Variants in DNAH3 observed in about 807,000 individuals in gnomAD.
DNAH3 encodes axonemal beta dynein heavy chain 3.
DNAH3 carries 332 observed loss-of-function variants against 432.5 expected under a neutral mutation model. The ratio of observed to expected loss-of-function variants is 0.77; its 90% CI spans 0.70 to 0.84. The LOEUF is 0.84. DNAH3 is among the 40% of genes least tolerant of loss of function. DNAH3 has a pLI of 0.00. For missense variants in DNAH3, 4,861 were observed against 5,114.0 expected, an observed-to-expected ratio of 0.95 and a Z score of 1.51; for synonymous variants, 1,956 against 1,900.2, an observed-to-expected ratio of 1.03 and a Z score of -0.76.
At position 21,108,152 on chromosome 16, in the gene DNAH3, G is replaced by A. The variant is rs530931455; in HGVS notation, c.2100-1478C>T. Among the ~76,000 whole-genome samples the A allele has an allele frequency of 1.3e-4, 20 of 152,302 alleles. No homozygotes were observed. In the East Asian group the frequency reaches 3.3e-3, roughly 25 times the overall value. On this transcript the variant is annotated intron_variant, in intron 14 of 61. Coordinates refer to ENST00000261383, the Ensembl canonical transcript of DNAH3. ...CTCCCAAAGTGCTGGGATTACAGGC[G>A]TAAGCCACTGCGCCCAGCCCTGTTG...
At chr16:21,147,844 T>C (rs1420773166) in intron 1 of DNAH3, among the ~76,000 whole-genome samples, 1 of 152,186 alleles carries the variant, frequency 6.6e-6, no homozygotes, top group African/African-American at 2.4e-5. Flanking sequence ...TTAGCCCCTA[T>C]ATGCAAAACA....
chr16:20,966,014 ATTTTTTTTTTTTTTTTT>A lies in DNAH3; in HGVS notation c.8459-606_8459-590del, dbSNP rs555983378. 8.7e-4 allele frequency among the ~76,000 whole-genome samples: 42 copies of A among 48,388 alleles called. 2 individuals are homozygous for A. The highest frequency in any genetic ancestry group is 2.1e-3 in the African/African-American group (26 of 12,158). 31.7% of individuals were successfully genotyped at this position (48,388 alleles called of 152,430 possible). On this transcript the variant is annotated intron_variant, in intron 52 of 61. Transcript: ENST00000261383. ...AGGCCTGAGCCACCATGCCCAGCCA[ATTTTTTTTTTTTTTTTT>A]TTTTTTTTTTTTTTTTTTTTTTTGA...
In DNAH3 at chr16:21,090,204, A is replaced by G. The variant is rs1197450861; in HGVS notation, c.2666-3144T>C. ...TAGATAAAAAATTTCCAAAATATAA[A>G]AACTTCAGAATCAGATGGTTTCACT... is the stretch of plus-strand genomic sequence containing the variant. On this transcript the variant is annotated intron_variant, in intron 18 of 61. Transcript: ENST00000261383. 2.6e-5 allele frequency among the ~76,000 whole-genome samples: 4 copies of G among 152,184 alleles called. No homozygotes were observed. The East Asian group carries it at 7.7e-4, about 29-fold the overall frequency.
At position 20,980,257 on chromosome 16, in the gene DNAH3, ATAT is replaced by A. The variant is rs1206563804; in HGVS notation, c.7860-714_7860-712del. On this transcript the variant is annotated intron_variant, in intron 49 of 61. Transcript: ENST00000261383. ...ATATTATATATATAATATACATCAT[ATAT>A]TATATTATAATATACATCATATATT... 6.8e-3 allele frequency among the ~76,000 whole-genome samples: 590 copies of A among 86,896 alleles called. 26 individuals are homozygous for A. Among genetic ancestry groups the A allele is most frequent in the Middle Eastern group, 0.025 (4 of 162 alleles). 57.0% of individuals were successfully genotyped at this position (86,896 alleles called of 152,430 possible). A position where few individuals can be genotyped will look rare whatever the true frequency, so the allele number is the denominator to read the frequency against.
intron 52 of DNAH3, among the ~76,000 whole-genome samples, chr16:20,968,338 GGATTACAGGTGT>G: frequency 6.6e-6 from 1 of 152,200 alleles, no homozygotes; most frequent in Middle Eastern, 3.4e-3. Context: ...CAAAGTGCTG[GGATTACAGGTGT>G]GAGCCACTGC....
chr16:20,998,030 C>T (rs547222672), intron 43 of DNAH3, among the ~76,000 whole-genome samples: 18 of 151,792 alleles, frequency 1.2e-4, no homozygotes, highest in African/African-American at 2.7e-4. Context: ...ATAGAAAAGA[C>T]GAGAAAAACA....
exon 27 of DNAH3, chr16:21,058,170 C>A (rs1001440516): frequency 1.9e-6 from 3 of 1,613,540 alleles, no homozygotes; most frequent in Non-Finnish European, 2.5e-6. Context: ...GTCCAGGCCA[C>A]TGTAAGACCC....
At chr16:20,940,456 T>C (rs1471716641) in intron 59 of DNAH3, among the ~76,000 whole-genome samples, 1 of 152,152 alleles carries the variant, frequency 6.6e-6, no homozygotes, top group Admixed American at 6.5e-5. Context: ...GGATAGGGTC[T>C]TTCTCTGTCA....
chr16:21,086,962 C>A lies in DNAH3; in HGVS notation c.2764G>T (p.Ala922Ser). ...ACATTCTCTGCTAAGCGCCTGGGTG[C>A]AGGCACATCAGACAAGGTCTTGATC... Residue 922 changes from alanine (A) to serine (S), a missense_variant, in exon 19 of 62, where the codon GCA becomes TCA. Transcript: ENST00000261383. 1.9e-6 allele frequency: 3 copies of A among 1,614,188 alleles called. No individual in the cohort carries two copies. Among genetic ancestry groups the A allele is most frequent in the Middle Eastern group, 1.7e-4 (1 of 6,060 alleles).
Position 21,127,827 on chromosome 16 carries a change from G to C in DNAH3, c.1083-15C>G. On this transcript the variant is annotated splice_polypyrimidine_tract_variant and intron_variant, in intron 7 of 61. Transcript: ENST00000261383. ...GGTCTCTGAATCTGCCAAAAGAGAG[G>C]GAGAAATTTCCTAAGCTAAAGAACG... 1 of 1,613,670 alleles carries C rather than the reference G, an allele frequency of 6.2e-7. No individual in the cohort carries two copies. Among genetic ancestry groups the C allele is most frequent in the Non-Finnish European group, 8.5e-7 (1 of 1,179,756 alleles).
chr16:21,145,383 G>A, exon 3 of DNAH3: 2 of 1,614,162 alleles, frequency 1.2e-6, no homozygotes, highest in Non-Finnish European at 8.5e-7. Flanking sequence ...TCAAGGGCGG[G>A]TAAAAGCTGT....
At chr16:21,004,194 T>C (rs1337763781) in intron 41 of DNAH3, among the ~76,000 whole-genome samples, 2 of 152,104 alleles carry the variant, frequency 1.3e-5, no homozygotes, top group African/African-American at 4.8e-5. Context: ...ATTTTAACTT[T>C]CTATTGTGAG....
chr16:20,933,865 T>A (rs1195337487), intron 61 of DNAH3, among the ~76,000 whole-genome samples: 1 of 152,212 alleles, frequency 6.6e-6, no homozygotes, highest in East Asian at 1.9e-4. Flanking sequence ...ACAGACTGGA[T>A]AAACAGTTCT....
chr16:21,141,528 T>A (rs1258856818), intron 3 of DNAH3, among the ~76,000 whole-genome samples, 156 bp from the exon 5 acceptor site: 2 of 152,212 alleles, frequency 1.3e-5, no homozygotes, highest in Non-Finnish European at 2.9e-5. Context: ...TCAGGTCTCA[T>A]GTGCATCACT....
intron 3 of DNAH3, among the ~76,000 whole-genome samples, chr16:21,142,534 C>G (rs548315865): frequency 6.6e-6 from 1 of 151,828 alleles, no homozygotes; most frequent in Non-Finnish European, 1.5e-5. Context: ...AAGGTAGCTA[C>G]AATTAATTCA....
intron 41 of DNAH3, among the ~76,000 whole-genome samples, chr16:21,015,482 C>A (rs1003137770): frequency 2.0e-5 from 3 of 152,132 alleles, no homozygotes; most frequent in Non-Finnish European, 2.9e-5. Flanking sequence ...ATGGTGAATA[C>A]ATGACATTTA....
At chr16:21,019,989 AGTGCC>A in intron 40 of DNAH3, 120 bp from the exon 41 acceptor site, 1 of 1,077,810 alleles carries the variant, frequency 9.3e-7, no homozygotes, top group Non-Finnish European at 1.3e-6. Flanking sequence ...ATATTGGCAG[AGTGCC>A]TATCACCTAC....
At chr16:21,116,109 A>G (rs2092193782) in intron 12 of DNAH3, among the ~76,000 whole-genome samples, 1 of 152,206 alleles carries the variant, frequency 6.6e-6, no homozygotes, top group African/African-American at 2.4e-5. Context: ...TAGCGTGACC[A>G]TATCTCTTGG....
At chr16:20,962,210 C>CACCT (rs2084855153) in intron 53 of DNAH3, among the ~76,000 whole-genome samples, 1 of 151,930 alleles carries the variant, frequency 6.6e-6, no homozygotes, top group African/African-American at 2.4e-5. Context: ...AATCATTGTG[C>CACCT]ACCTGCTACT....
Sources: gnomAD v4.1 joint callset for allele counts (sites outside exome capture counted in the v4.1 genomes callset) on GRCh38, gnomAD v4.1.1 for gene constraint, MANE v1.5 for transcripts, NCBI Gene and HGNC (gene_info 2026-07-23, HGNC 2026-07-21) for gene names.